The following GPC5 variants were observed in gnomAD, a reference collection of about 807,000 sequenced individuals.
The protein encoded by GPC5 is glypican 5.
A neutral mutation model predicts 53.9 loss-of-function variants in GPC5; 47 were observed. That is an observed-to-expected ratio of 0.87 (90% CI 0.69 to 1.11). The LOEUF (loss-of-function observed/expected upper bound fraction) is 1.11. Among genes scored for constraint, GPC5 ranks in the 50% most tolerant of loss-of-function variants. The probability of loss-of-function intolerance (pLI) is 0.00; values close to 1 mark genes in which losing one functional copy is unlikely to be tolerated. For synonymous variants in GPC5, 286 were observed against 263.3 expected, an observed-to-expected ratio of 1.09 and a Z score of -0.84; for missense variants, 748 against 713.1, an observed-to-expected ratio of 1.05 and a Z score of -0.56.
At chr13:91,980,045 C>T (rs1182407225) in intron 6 of GPC5, among the ~76,000 whole-genome samples, 2 of 152,116 alleles carry the variant, frequency 1.3e-5, no homozygotes, top group African/African-American at 4.8e-5. Flanking sequence ...CAAAAGAATA[C>T]TATAGGCCCA....
chr13:92,182,423 G>C (rs1267842205), intron 7 of GPC5, among the ~76,000 whole-genome samples: 1 of 152,120 alleles, frequency 6.6e-6, no homozygotes, highest in East Asian at 1.9e-4. Flanking sequence ...TCAATGTTTT[G>C]TTAATGTGAA....
intron 7 of GPC5, among the ~76,000 whole-genome samples, chr13:92,361,789 T>A (rs948475632): frequency 6.6e-6 from 1 of 151,734 alleles, no homozygotes; most frequent in East Asian, 1.9e-4. Context: ...CAACAGATTA[T>A]ACAATTATAT....
At chr13:92,588,958 G>T (rs963497742) in intron 7 of GPC5, among the ~76,000 whole-genome samples, 3 of 152,126 alleles carry the variant, frequency 2.0e-5, no homozygotes, top group African/African-American at 7.2e-5. Context: ...CACTAACATT[G>T]GGAGAAAATG....
chr13:91,847,081 C>T (rs1364826849), intron 5 of GPC5, among the ~76,000 whole-genome samples: 8 of 151,402 alleles, frequency 5.3e-5, no homozygotes, highest in Middle Eastern at 3.4e-3. Context: ...TAGCCGGGTG[C>T]GGTGGCGGGC....
intron 7 of GPC5, among the ~76,000 whole-genome samples, chr13:92,534,748 T>C (rs1170435348): frequency 6.6e-6 from 1 of 152,124 alleles, no homozygotes; most frequent in Non-Finnish European, 1.5e-5. Context: ...TAAAATGAAA[T>C]GGTATCAAAT....
At chr13:91,574,133 G>A (rs2032047310) in intron 2 of GPC5, among the ~76,000 whole-genome samples, 1 of 152,112 alleles carries the variant, frequency 6.6e-6, no homozygotes, top group African/African-American at 2.4e-5. Flanking sequence ...TATACAAGTT[G>A]AATACAGTTA....
intron 2 of GPC5, among the ~76,000 whole-genome samples, chr13:91,673,231 AAACAAC>A (rs201449183): frequency 6.6e-6 from 1 of 152,220 alleles, no homozygotes; most frequent in African/African-American, 2.4e-5. Context: ...GGAAAAAAAG[AAACAAC>A]AACAACAACA....
intron 2 of GPC5, among the ~76,000 whole-genome samples, chr13:91,506,947 T>C (rs1327087671): frequency 2.6e-5 from 4 of 152,106 alleles, no homozygotes; most frequent in Non-Finnish European, 5.9e-5. Context: ...TATAAATGAA[T>C]AGCATTGAAA....
chr13:92,279,141 T>C (rs779021622), intron 7 of GPC5, among the ~76,000 whole-genome samples: 9 of 152,070 alleles, frequency 5.9e-5, no homozygotes, highest in Non-Finnish European at 1.0e-4. Context: ...ATAATAAGTA[T>C]TTTGATTACC....
chr13:92,818,489 T>C (rs1877560755), intron 7 of GPC5, among the ~76,000 whole-genome samples: 1 of 151,978 alleles, frequency 6.6e-6, no homozygotes, highest in Admixed American at 6.5e-5. Flanking sequence ...TTATCCCTTA[T>C]TACCGAGGAA....
rs769981633 is a variant in GPC5, at chr13:91,399,066, C to G, written c.20C>G (p.Pro7Arg). 24 of 1,566,834 alleles carry G rather than the reference C, an allele frequency of 1.5e-5. No individual in the cohort carries two copies. Among genetic ancestry groups the G allele is most frequent in the Middle Eastern group, 3.3e-4 (2 of 6,008 alleles). Residue 7 changes from proline (P) to arginine (R), a missense_variant, in exon 1 of 8, where the codon CCC (proline) becomes CGC (arginine). Transcript: ENST00000377067. ...GCGAGGATGGACGCACAGACCTGGC[C>G]CGTGGGCTTTCGCTGCCTCCTCCTT... MDAQTW[P>R]VGFRCLLLLA...
At chr13:92,324,889 G>A (rs986807939) in intron 7 of GPC5, among the ~76,000 whole-genome samples, 1 of 151,804 alleles carries the variant, frequency 6.6e-6, no homozygotes, top group Non-Finnish European at 1.5e-5. Flanking sequence ...TCTTGAAATA[G>A]TTTATCATTA....
At chr13:91,412,347 A>AT (rs777624245) in intron 1 of GPC5, among the ~76,000 whole-genome samples, 52 of 152,236 alleles carry the variant, frequency 3.4e-4, no homozygotes, top group Non-Finnish European at 6.8e-4. Context: ...TCCAAATCTT[A>AT]TCTTTATTTC....
chr13:92,794,096 G>A (rs147632981), intron 7 of GPC5, among the ~76,000 whole-genome samples: 1 of 152,056 alleles, frequency 6.6e-6, no homozygotes, highest in Admixed American at 6.6e-5. Context: ...GAGAATTTTA[G>A]ACTAATAACC....
At chr13:92,035,780 T>C (rs1329580093) in intron 6 of GPC5, among the ~76,000 whole-genome samples, 1 of 133,352 alleles carries the variant, frequency 7.5e-6, no homozygotes, top group Non-Finnish European at 1.6e-5. Context: ...AAAAAAACAA[T>C]GTTCACCAAA....
At chr13:91,567,690 C>T (rs1435188868) in intron 2 of GPC5, among the ~76,000 whole-genome samples, 1 of 152,158 alleles carries the variant, frequency 6.6e-6, no homozygotes, top group Admixed American at 6.6e-5. Flanking sequence ...AGTTGTTTGT[C>T]GAAGTCTGTT....
At chr13:92,165,666 A>T (rs2042022270) in intron 7 of GPC5, among the ~76,000 whole-genome samples, 1 of 152,180 alleles carries the variant, frequency 6.6e-6, no homozygotes, top group Non-Finnish European at 1.5e-5. Context: ...ACACATGGGG[A>T]TTACAATTTG....
intron 7 of GPC5, among the ~76,000 whole-genome samples, chr13:92,563,768 G>A (rs1242023903): frequency 1.3e-5 from 2 of 151,918 alleles, no homozygotes; most frequent in African/African-American, 4.8e-5. Flanking sequence ...CTGGTGATAT[G>A]GGATAGATAA....
At chr13:91,430,583 C>T (rs1422910698) in intron 1 of GPC5, among the ~76,000 whole-genome samples, 1 of 152,084 alleles carries the variant, frequency 6.6e-6, no homozygotes, top group Admixed American at 6.5e-5. Context: ...TGAGGGTGCT[C>T]ACCATAAAGA....
Sources: allele counts gnomAD v4.1 joint callset (sites outside exome capture counted in the v4.1 genomes callset), GRCh38; gene constraint gnomAD v4.1.1; transcripts MANE v1.5; gene names NCBI Gene and HGNC (gene_info 2026-07-23, HGNC 2026-07-21).